The following NBEAL1 variants were observed in gnomAD, a reference collection of about 807,000 sequenced individuals.
The protein encoded by NBEAL1 is neurobeachin like 1.
A neutral mutation model predicts 351.3 loss-of-function variants in NBEAL1; 273 were observed. That is an observed-to-expected ratio of 0.78 (90% CI 0.70 to 0.86). The LOEUF is 0.86. NBEAL1 is among the 40% of genes least tolerant of loss of function. The pLI is 0.00. For synonymous variants in NBEAL1, 1,050 were observed against 1,086.4 expected (o/e 0.97, Z 0.66); for missense variants, 2,961 against 3,201.3 (o/e 0.92, Z 1.81).
At chr2:203,184,127 C>T (rs1409976885) in intron 44 of NBEAL1, among the ~76,000 whole-genome samples, 1 of 148,478 alleles carries the variant, frequency 6.7e-6, no homozygotes, top group African/African-American at 2.5e-5. Flanking sequence ...GCAGCTAAAC[C>T]CTAAATGCCA....
intron 10 of NBEAL1, among the ~76,000 whole-genome samples, chr2:203,093,093 G>A (rs1404323256): frequency 1.3e-5 from 2 of 151,812 alleles, no homozygotes; most frequent in Admixed American, 6.6e-5. Flanking sequence ...TTAGCCAGCC[G>A]TGGTGGTACA....
intron 53 of NBEAL1, among the ~76,000 whole-genome samples, chr2:203,210,461 A>G (rs2065755320): frequency 6.6e-6 from 1 of 151,758 alleles, no homozygotes; most frequent in Admixed American, 6.6e-5. Flanking sequence ...GGAGATCGAG[A>G]CCATCCTAAC....
intron 12 of NBEAL1, among the ~76,000 whole-genome samples, chr2:203,105,308 AT>A (rs1318361315): frequency 6.6e-6 from 1 of 151,956 alleles, no homozygotes; most frequent in Non-Finnish European, 1.5e-5. Context: ...TAAAAAAAAA[AT>A]ACAAAAATTA....
chr2:203,124,488 A>G (rs2062896822), intron 19 of NBEAL1, among the ~76,000 whole-genome samples: 1 of 152,216 alleles, frequency 6.6e-6, no homozygotes, highest in Non-Finnish European at 1.5e-5. Flanking sequence ...TCACAAAGTA[A>G]CTATGTGAAA....
At chr2:203,115,245 C>T (rs577677121) in intron 17 of NBEAL1, among the ~76,000 whole-genome samples, 1 of 151,420 alleles carries the variant, frequency 6.6e-6, no homozygotes, top group Non-Finnish European at 1.5e-5. Flanking sequence ...CTCCACCTTC[C>T]GAGTAGCTGG....
intron 55 of NBEAL1, among the ~76,000 whole-genome samples, chr2:203,216,206 A>G (rs966387913): frequency 1.3e-5 from 2 of 152,140 alleles, no homozygotes; most frequent in African/African-American, 4.8e-5. Flanking sequence ...AGGTGATGCA[A>G]ATTTAATGGT....
intron 2 of NBEAL1, among the ~76,000 whole-genome samples, chr2:203,021,102 A>G (rs1167259677): frequency 1.3e-5 from 2 of 151,810 alleles, no homozygotes; most frequent in African/African-American, 4.8e-5. Flanking sequence ...AAATTTTTGT[A>G]TTTTTAGTAG....
chr2:203,175,412 A>C, intron 42 of NBEAL1, 125 bp downstream of exon 42: 2 of 950,402 alleles, frequency 2.1e-6, no homozygotes, highest in Non-Finnish European at 3.1e-6. Flanking sequence ...GATCAGCTAA[A>C]AATAAACTAG....
At chr2:203,026,721 G>A (rs1423436081) in intron 2 of NBEAL1, among the ~76,000 whole-genome samples, 1 of 152,204 alleles carries the variant, frequency 6.6e-6, no homozygotes, top group East Asian at 1.9e-4. Flanking sequence ...CACCATGTTG[G>A]CCAGGATGGT....
At chr2:203,161,834 AAAAT>A (rs1239695360) in intron 36 of NBEAL1, among the ~76,000 whole-genome samples, 3 of 151,614 alleles carry the variant, frequency 2.0e-5, no homozygotes, top group Admixed American at 6.6e-5. Context: ...CCCTATCTCT[AAAAT>A]AAATAAATAA....
intron 31 of NBEAL1, among the ~76,000 whole-genome samples, chr2:203,143,856 A>G (rs1364581226): frequency 6.6e-6 from 1 of 152,180 alleles, no homozygotes; most frequent in East Asian, 1.9e-4. Flanking sequence ...TATCCAATAT[A>G]ATAAAGATAA....
intron 36 of NBEAL1, among the ~76,000 whole-genome samples, chr2:203,161,326 CAAAA>C (rs1174377516): frequency 1.5e-5 from 1 of 64,796 alleles, no homozygotes; most frequent in Non-Finnish European, 3.0e-5. Context: ...GACTCCATCT[CAAAA>C]AAAAAAAAAA....
Position 203,043,611 on chromosome 2 carries a change from C to A in NBEAL1, c.143+1755C>A, listed in dbSNP as rs554248940. 2.0e-5 allele frequency among the ~76,000 whole-genome samples: 3 copies of A among 152,036 alleles called. No homozygotes were observed. The South Asian group carries it at 6.2e-4, about 32-fold the overall frequency. ...AAAAATGGTGGTGTGCACCTGTAGT[C>A]CCAGTTACTTGGGAGGCGGAGGTGG... is the stretch of plus-strand genomic sequence containing the variant. On this transcript the variant is annotated intron_variant, in intron 3 of 55. Coordinates refer to ENST00000683969, the MANE Select transcript of NBEAL1 (RefSeq NM_001378026.1).
At chr2:203,208,967 A>G (rs575885760) in intron 52 of NBEAL1, among the ~76,000 whole-genome samples, 194 bp from the exon 53 acceptor site, 15 of 152,354 alleles carry the variant, frequency 9.8e-5, no homozygotes, top group African/African-American at 3.6e-4. Flanking sequence ...TTAAGGGAAG[A>G]GGACATTCTA....
chr2:203,205,076 G>T (rs1192350172), intron 51 of NBEAL1, among the ~76,000 whole-genome samples: 1 of 151,986 alleles, frequency 6.6e-6, no homozygotes, highest in Non-Finnish European at 1.5e-5. Context: ...ATCTAATTTT[G>T]ATGAAAATGT....
intron 2 of NBEAL1, chr2:203,040,795 C>T (rs1269435928): frequency 3.8e-6 from 2 of 530,382 alleles, no homozygotes; most frequent in African/African-American, 1.9e-5. Flanking sequence ...TGGCTCACTG[C>T]AACCTCCACT....
At chr2:203,185,868 G>C (rs2064883149) in intron 44 of NBEAL1, among the ~76,000 whole-genome samples, 1 of 152,194 alleles carries the variant, frequency 6.6e-6, no homozygotes, top group Non-Finnish European at 1.5e-5. Flanking sequence ...ATCAATGCCA[G>C]ATTGAAGAGG....
chr2:203,192,988 T>C (rs1395601549), intron 46 of NBEAL1, among the ~76,000 whole-genome samples: 3 of 144,358 alleles, frequency 2.1e-5, no homozygotes, highest in Non-Finnish European at 4.5e-5. Context: ...TTTTTTTTTT[T>C]TGAGATGGAG....
At chr2:203,214,149 A>G (rs911665951) in intron 55 of NBEAL1, among the ~76,000 whole-genome samples, 1 of 152,232 alleles carries the variant, frequency 6.6e-6, no homozygotes, top group Non-Finnish European at 1.5e-5. Flanking sequence ...CAATTATTGA[A>G]TATTCAGATA....
Sources: gnomAD v4.1 joint callset for allele counts (sites outside exome capture counted in the v4.1 genomes callset) on GRCh38, gnomAD v4.1.1 for gene constraint, MANE v1.5 for transcripts, NCBI Gene and HGNC (gene_info 2026-07-23, HGNC 2026-07-21) for gene names.